AEBP2: variants seen among roughly 807,000 people sequenced by gnomAD.
AEBP2 encodes the protein AE binding protein 2.
Under a neutral mutation model 50.8 loss-of-function variants are expected in AEBP2, and 10 were observed. That is an observed-to-expected ratio of 0.20 (90% CI 0.12 to 0.33). AEBP2 has a LOEUF of 0.33. Ranked by LOEUF, AEBP2 falls within the 10% of genes least tolerant of loss-of-function variation. The pLI, the probability that AEBP2 is intolerant of heterozygous loss-of-function variation, is 1.00. For missense variants in AEBP2, 570 were observed against 688.0 expected, an observed-to-expected ratio of 0.83 and a Z score of 1.92; for synonymous variants, 296 against 261.3, an observed-to-expected ratio of 1.13 and a Z score of -1.28.
chr12:19,508,174 CAG>C (rs1294927245), intron 5 of AEBP2, among the ~76,000 whole-genome samples: 3 of 152,122 alleles, frequency 2.0e-5, no homozygotes, highest in Non-Finnish European at 4.4e-5. Context: ...AGTCTAGAAT[CAG>C]AGTATTTATT....
Position 19,441,038 on chromosome 12 carries a change from A to G in AEBP2, c.671+668A>G, listed in dbSNP as rs377430228. 3.6e-4 allele frequency among the ~76,000 whole-genome samples: 55 copies of G among 152,362 alleles called. 1 individual carries two copies. The South Asian group carries it at 0.011, about 30-fold the overall frequency. On this transcript the variant is annotated intron_variant, in intron 1 of 7. Coordinates refer to ENST00000266508, the MANE Select transcript of AEBP2 (RefSeq NM_153207.5). Reference sequence around the variant, plus strand: ...AAATGGTTGTGGAAAAGAATAGTGAATTGATGGCCTTTTAAGATAACTTTG... The same window carrying G: ...AAATGGTTGTGGAAAAGAATAGTGAGTTGATGGCCTTTTAAGATAACTTTG...
At chr12:19,492,895 G>C (rs1216055769) in intron 3 of AEBP2, among the ~76,000 whole-genome samples, 4 of 152,120 alleles carry the variant, frequency 2.6e-5, no homozygotes, top group African/African-American at 9.7e-5. Context: ...AGGATCACTT[G>C]AGCCTGGGAG....
chr12:19,460,157 C>T (rs895684856), intron 1 of AEBP2, among the ~76,000 whole-genome samples: 6 of 152,060 alleles, frequency 3.9e-5, no homozygotes, highest in African/African-American at 1.4e-4. Context: ...TGCAATGAGC[C>T]GTGATAGCAC....
At chr12:19,471,974 TC>T (rs1391612518) in intron 2 of AEBP2, among the ~76,000 whole-genome samples, 1 of 152,198 alleles carries the variant, frequency 6.6e-6, no homozygotes, top group African/African-American at 2.4e-5. Context: ...CGTTATGACT[TC>T]CTTTATCTCA....
At chr12:19,480,088 A>G (rs1185255332) in intron 3 of AEBP2, among the ~76,000 whole-genome samples, 1 of 151,384 alleles carries the variant, frequency 6.6e-6, no homozygotes, top group African/African-American at 2.4e-5. Flanking sequence ...TATGAGATTT[A>G]TGCTTTAAGG....
chr12:19,459,164 T>G (rs117760885), intron 1 of AEBP2, among the ~76,000 whole-genome samples: 3 of 152,318 alleles, frequency 2.0e-5, no homozygotes, highest in African/African-American at 7.2e-5. Flanking sequence ...TTTAAAATAT[T>G]TAAAGCAAGT....
At chr12:19,490,895 G>T (rs1039589817) in intron 3 of AEBP2, among the ~76,000 whole-genome samples, 1 of 152,220 alleles carries the variant, frequency 6.6e-6, no homozygotes. Context: ...TGTGGAGCTA[G>T]CTGGTGATTA....
Position 19,420,110 on chromosome 12 carries a change from G to A in AEBP2, c.-17+15894G>A, listed in dbSNP as rs542696609. 8.6e-5 allele frequency among the ~76,000 whole-genome samples: 12 copies of A among 139,282 alleles called. No homozygotes were observed. In the South Asian group the frequency reaches 1.5e-3, roughly 17 times the overall value. The allele number at this position is 139,282 out of a possible 152,430, so 91.4% of individuals were successfully genotyped here. A position where few individuals can be genotyped will look rare whatever the true frequency, so the allele number is the denominator to read the frequency against. On this transcript the variant is annotated intron_variant, in intron 1 of 3. Coordinates refer to the AEBP2 transcript ENST00000538425. ...ACGATCTCAACTCACTGCAACTTACGCCTCCCAGGTTCAAGGGATTCTCCT... is the reference window on the plus strand; with the variant it reads ...ACGATCTCAACTCACTGCAACTTACACCTCCCAGGTTCAAGGGATTCTCCT...
intron 1 of AEBP2, among the ~76,000 whole-genome samples, chr12:19,421,867 A>G (rs2095746000): frequency 6.6e-6 from 1 of 152,098 alleles, no homozygotes; most frequent in Admixed American, 6.6e-5. Context: ...CAGTATATCA[A>G]GGATAGGTGT....
intron 1 of AEBP2, among the ~76,000 whole-genome samples, chr12:19,459,500 G>T (rs1483898230): frequency 1.3e-5 from 2 of 152,098 alleles, no homozygotes; most frequent in Non-Finnish European, 2.9e-5. Flanking sequence ...CAAACTGCTG[G>T]GATTACAGGC....
intron 1 of AEBP2, among the ~76,000 whole-genome samples, chr12:19,409,951 A>G (rs1039290481): frequency 3.9e-5 from 6 of 152,178 alleles, no homozygotes; most frequent in African/African-American, 1.2e-4. Flanking sequence ...TTAACCTTCC[A>G]AAAGCTAGAG....
In AEBP2 at chr12:19,465,878, G is replaced by A. The variant is rs149447410; in HGVS notation, c.879+3161G>A. Among the ~76,000 whole-genome samples, 187 of 147,420 alleles carry A rather than the reference G, an allele frequency of 1.3e-3. 1 individual carries two copies. The highest frequency in any genetic ancestry group is 4.2e-3 in the African/African-American group (168 of 39,888). ...ACGACCTCAGCTCACTACAGCCTCCGTCTCCTGGGTTCAAGCAATTCTGCT... is the reference window on the plus strand; with the variant it reads ...ACGACCTCAGCTCACTACAGCCTCCATCTCCTGGGTTCAAGCAATTCTGCT... On this transcript the variant is annotated intron_variant, in intron 2 of 7. Transcript: ENST00000266508.
intron 1 of AEBP2, 181 bp downstream of exon 1, chr12:19,440,551 C>A: frequency 4.3e-6 from 6 of 1,382,340 alleles, no homozygotes; most frequent in Non-Finnish European, 5.6e-6. Context: ...CAGCGCATCG[C>A]GGCTTCCAAC....
chr12:19,451,430 C>G (rs893577862), intron 1 of AEBP2, among the ~76,000 whole-genome samples: 3 of 152,164 alleles, frequency 2.0e-5, no homozygotes, highest in African/African-American at 4.8e-5. Flanking sequence ...TTCACGGGAT[C>G]TGTTCCACTT....
chr12:19,444,229 A>G (rs923954583), intron 1 of AEBP2, among the ~76,000 whole-genome samples: 2 of 152,240 alleles, frequency 1.3e-5, no homozygotes, highest in Non-Finnish European at 2.9e-5. Context: ...ATAGTTTAAA[A>G]TATGGTTGAA....
intron 1 of AEBP2, among the ~76,000 whole-genome samples, chr12:19,427,848 T>A (rs900573864): frequency 2.0e-5 from 3 of 152,108 alleles, no homozygotes; most frequent in African/African-American, 7.2e-5. Context: ...GAGCCTCCGT[T>A]TTCTGGGAAT....
At chr12:19,500,953 G>GGT (rs1395801775) in intron 5 of AEBP2, among the ~76,000 whole-genome samples, 6 of 152,104 alleles carry the variant, frequency 3.9e-5, no homozygotes, top group Non-Finnish European at 7.4e-5. Flanking sequence ...GGTGTAGTTT[G>GGT]GTGTAATTAA....
intron 3 of AEBP2, among the ~76,000 whole-genome samples, chr12:19,482,932 T>C (rs944481535): frequency 3.6e-4 from 55 of 152,096 alleles, no homozygotes; most frequent in Admixed American, 1.1e-3. Flanking sequence ...GAAGCCACTC[T>C]CACTCCCTTG....
chr12:19,514,618 T>C, intron 6 of AEBP2, 53 bp from the exon 7 acceptor site: 1 of 1,354,078 alleles, frequency 7.4e-7, no homozygotes, highest in Non-Finnish European at 1.0e-6. Flanking sequence ...CACATGGAAG[T>C]GTAAATCTAA....
Sources: allele counts gnomAD v4.1 joint callset (sites outside exome capture counted in the v4.1 genomes callset), GRCh38; gene constraint gnomAD v4.1.1; transcripts MANE v1.5; gene names NCBI Gene and HGNC (gene_info 2026-07-23, HGNC 2026-07-21).